PACRG: variants seen among roughly 807,000 people sequenced by gnomAD.
PACRG encodes the protein parkin coregulated.
Under a neutral mutation model 29.7 loss-of-function variants are expected in PACRG, and 29 were observed. That is an observed-to-expected ratio of 0.98 (90% CI 0.73 to 1.33). The LOEUF (loss-of-function observed/expected upper bound fraction) is 1.33, where lower values mean the gene tolerates loss of function less well. Ranked by LOEUF, PACRG falls within the 40% of genes most tolerant of loss-of-function variation. The probability of loss-of-function intolerance (pLI) is 0.00; values close to 1 mark genes in which losing one functional copy is unlikely to be tolerated. For synonymous variants in PACRG, 116 were observed against 118.7 expected, an observed-to-expected ratio of 0.98 and a Z score of 0.15; for missense variants, 279 against 316.2, an observed-to-expected ratio of 0.88 and a Z score of 0.89.
At chr6:162,996,710 T>C (rs1035348126) in intron 2 of PACRG, among the ~76,000 whole-genome samples, 1 of 152,150 alleles carries the variant, frequency 6.6e-6, no homozygotes, top group African/African-American at 2.4e-5. Context: ...TATAAATAAG[T>C]CTAGACTAAT....
intron 1 of PACRG, among the ~76,000 whole-genome samples, chr6:162,748,044 C>T (rs1255718624): frequency 6.6e-6 from 1 of 152,112 alleles, no homozygotes; most frequent in African/African-American, 2.4e-5. Flanking sequence ...ATAATTAATT[C>T]AACCTATTAA....
At chr6:163,277,979 C>T (rs1291018242) in intron 4 of PACRG, among the ~76,000 whole-genome samples, 1 of 152,048 alleles carries the variant, frequency 6.6e-6, no homozygotes, top group Admixed American at 6.5e-5. Context: ...CCCTTTTCAC[C>T]ACATCCATAC....
At chr6:162,944,706 G>A (rs1206607364) in intron 2 of PACRG, among the ~76,000 whole-genome samples, 1 of 152,000 alleles carries the variant, frequency 6.6e-6, no homozygotes, top group African/African-American at 2.4e-5. Flanking sequence ...AGCTTTAACA[G>A]TAGACTAGAT....
At chr6:162,998,317 G>A (rs562988536) in intron 2 of PACRG, among the ~76,000 whole-genome samples, 3 of 152,282 alleles carry the variant, frequency 2.0e-5, no homozygotes, top group East Asian at 3.9e-4. Flanking sequence ...TCCTCATGCC[G>A]TATGCAACTC....
intron 2 of PACRG, among the ~76,000 whole-genome samples, chr6:162,965,626 CAT>C (rs1270718896): frequency 6.6e-6 from 1 of 152,154 alleles, no homozygotes; most frequent in African/African-American, 2.4e-5. Context: ...AAGATTTAAA[CAT>C]GTGAAGTTTG....
At chr6:162,943,718 G>T (rs1398352351) in intron 2 of PACRG, among the ~76,000 whole-genome samples, 1 of 152,112 alleles carries the variant, frequency 6.6e-6, no homozygotes, top group African/African-American at 2.4e-5. Flanking sequence ...CCTGCCCTGT[G>T]CACCATAGGC....
chr6:162,950,479 G>C (rs983783202), intron 2 of PACRG, among the ~76,000 whole-genome samples: 1 of 151,630 alleles, frequency 6.6e-6, no homozygotes, highest in Admixed American at 6.6e-5. Context: ...CTGCACTCCA[G>C]CCTGGGCTAC....
chr6:162,864,294 G>A (rs1311233571), intron 2 of PACRG, among the ~76,000 whole-genome samples: 3 of 152,108 alleles, frequency 2.0e-5, no homozygotes, highest in African/African-American at 7.2e-5. Flanking sequence ...TGACATGAAA[G>A]ATATTCTTAA....
chr6:162,861,075 T>C (rs1791818771), intron 2 of PACRG, among the ~76,000 whole-genome samples: 1 of 152,224 alleles, frequency 6.6e-6, no homozygotes, highest in African/African-American at 2.4e-5. Flanking sequence ...CTGCTTCTCA[T>C]GAAGGCTGTG....
chr6:162,751,883 C>T (rs755644501), intron 1 of PACRG, among the ~76,000 whole-genome samples: 3 of 152,160 alleles, frequency 2.0e-5, no homozygotes, highest in Non-Finnish European at 2.9e-5. Context: ...CAGAACACTG[C>T]TTTGTGGTCA....
chr6:162,905,378 T>C (rs764629873), intron 2 of PACRG, among the ~76,000 whole-genome samples: 9 of 152,200 alleles, frequency 5.9e-5, no homozygotes, highest in South Asian at 4.1e-4. Flanking sequence ...CTTTAGCTTA[T>C]TGCCAGTAAA....
intron 4 of PACRG, among the ~76,000 whole-genome samples, chr6:163,134,907 G>A (rs1816867488): frequency 6.6e-6 from 1 of 151,996 alleles, no homozygotes; most frequent in Admixed American, 6.6e-5. Flanking sequence ...AAAACATTTC[G>A]AATAACACCG....
At chr6:162,816,748 A>G (rs910948344) in intron 2 of PACRG, among the ~76,000 whole-genome samples, 1 of 152,154 alleles carries the variant, frequency 6.6e-6, no homozygotes, top group African/African-American at 2.4e-5. Context: ...ATCTGGTGCT[A>G]AGTAGGAGGA....
At chr6:162,792,691 G>C (rs1267217809) in intron 1 of PACRG, among the ~76,000 whole-genome samples, 1 of 152,176 alleles carries the variant, frequency 6.6e-6, no homozygotes, top group African/African-American at 2.4e-5. Context: ...GCATCCTTAG[G>C]GAAAAGTCAG....
intron 2 of PACRG, among the ~76,000 whole-genome samples, chr6:162,930,530 C>T (rs1024532383): frequency 2.6e-5 from 4 of 151,738 alleles, no homozygotes; most frequent in Non-Finnish European, 5.9e-5. Flanking sequence ...AATATGATAT[C>T]TTTGAACAAG....
At chr6:162,743,624 T>C (rs1027393982) in intron 1 of PACRG, among the ~76,000 whole-genome samples, 2 of 152,134 alleles carry the variant, frequency 1.3e-5, no homozygotes, top group South Asian at 4.1e-4. Context: ...CTCTCACATA[T>C]TTTTTTCTTT....
At chr6:163,237,069 C>T (rs915864714) in intron 4 of PACRG, among the ~76,000 whole-genome samples, 5 of 152,164 alleles carry the variant, frequency 3.3e-5, no homozygotes, top group African/African-American at 7.2e-5. Flanking sequence ...CAATTCAACA[C>T]GAGATTTGAC....
chr6:163,009,060 A>C, intron 2 of PACRG, among the ~76,000 whole-genome samples: 1 of 152,202 alleles, frequency 6.6e-6, no homozygotes, highest in Admixed American at 6.5e-5. Context: ...GTACTGGGCA[A>C]AATTACTCTG....
At chr6:162,972,449 T>G (rs1801613409) in intron 2 of PACRG, among the ~76,000 whole-genome samples, 1 of 152,182 alleles carries the variant, frequency 6.6e-6, no homozygotes, top group South Asian at 2.1e-4. Context: ...ACCCCCATAG[T>G]CGACTATGAT....
Sources: allele counts gnomAD v4.1 joint callset (sites outside exome capture counted in the v4.1 genomes callset), GRCh38; gene constraint gnomAD v4.1.1; transcripts MANE v1.5; gene names NCBI Gene and HGNC (gene_info 2026-07-23, HGNC 2026-07-21).